The following C17orf67 variants were observed in gnomAD, a reference collection of about 807,000 sequenced individuals.
The protein encoded by C17orf67 is uncharacterized protein C17orf67.
Under a neutral mutation model 11.2 loss-of-function variants are expected in C17orf67, and 12 were observed. The ratio of observed to expected loss-of-function variants is 1.07; its 90% CI spans 0.68 to 1.73. C17orf67 has a LOEUF of 1.73. Among genes scored for constraint, C17orf67 ranks in the 40% most tolerant of loss-of-function variants. C17orf67 has a pLI of 0.00. For synonymous variants in C17orf67, 59 were observed against 46.9 expected (o/e 1.26, Z -1.05); for missense variants, 115 against 113.5 (o/e 1.01, Z -0.06).
intron 6 of C17orf67, among the ~76,000 whole-genome samples, chr17:56,803,057 C>G (rs752071102): frequency 1.3e-5 from 2 of 152,228 alleles, no homozygotes; most frequent in Non-Finnish European, 2.9e-5. Flanking sequence ...ATAAAACATT[C>G]TTAAAATGCC....
chr17:56,803,142 G>A (rs372335423), intron 6 of C17orf67, among the ~76,000 whole-genome samples: 20 of 152,252 alleles, frequency 1.3e-4, no homozygotes, highest in Non-Finnish European at 2.9e-4. Flanking sequence ...TACTTCTGCT[G>A]TATGACAAAG....
chr17:56,809,367 C>T (rs932856709), intron 6 of C17orf67, among the ~76,000 whole-genome samples: 3 of 151,934 alleles, frequency 2.0e-5, no homozygotes, highest in Non-Finnish European at 2.9e-5. Context: ...TCACAACAAC[C>T]TGGCGATGCC....
intron 2 of C17orf67, among the ~76,000 whole-genome samples, chr17:56,831,903 G>A (rs1381474192): frequency 6.6e-6 from 1 of 152,118 alleles, no homozygotes; most frequent in African/African-American, 2.4e-5. Context: ...AAAGGATCGG[G>A]TCCATCCTTC....
At chr17:56,819,631 C>T (rs1905849796) in intron 4 of C17orf67, among the ~76,000 whole-genome samples, 2 of 152,026 alleles carry the variant, frequency 1.3e-5, no homozygotes, top group African/African-American at 2.4e-5. Context: ...CCATCAAATG[C>T]CCTTCAGCTT....
At chr17:56,831,635 A>C (rs1348534578) in intron 2 of C17orf67, among the ~76,000 whole-genome samples, 1 of 152,162 alleles carries the variant, frequency 6.6e-6, no homozygotes, top group Admixed American at 6.5e-5. Flanking sequence ...AACCCTCCTC[A>C]GGTCTCCCAG....
chr17:56,807,922 T>G (rs925404483), intron 6 of C17orf67, among the ~76,000 whole-genome samples: 2 of 150,514 alleles, frequency 1.3e-5, no homozygotes, highest in Non-Finnish European at 3.0e-5. Context: ...AATAAATAAA[T>G]AAATAAATAA....
chr17:56,813,022 T>A, intron 6 of C17orf67, among the ~76,000 whole-genome samples: 1 of 152,156 alleles, frequency 6.6e-6, no homozygotes, highest in Non-Finnish European at 1.5e-5. Context: ...GTGCAGATGC[T>A]GGCACAGAAA....
intron 4 of C17orf67, among the ~76,000 whole-genome samples, chr17:56,819,998 C>T (rs1320373125): frequency 1.5e-5 from 2 of 130,428 alleles, no homozygotes; most frequent in African/African-American, 5.8e-5. Flanking sequence ...AAACTATTTC[C>T]GTACTTTTAT....
intron 4 of C17orf67, among the ~76,000 whole-genome samples, chr17:56,822,486 A>T (rs1381246882): frequency 6.6e-6 from 1 of 151,314 alleles, no homozygotes; most frequent in Non-Finnish European, 1.5e-5. Flanking sequence ...TCTCACTTAT[A>T]AAAAAAAAGA....
intron 2 of C17orf67, among the ~76,000 whole-genome samples, chr17:56,826,998 T>C (rs1906055642): frequency 6.6e-6 from 1 of 152,270 alleles, no homozygotes; most frequent in South Asian, 2.1e-4. Flanking sequence ...AGCTGTGCAA[T>C]GCTTGGCACA....
chr17:56,817,563 C>T lies in C17orf67; in HGVS notation c.-200-1553G>A, dbSNP rs888251963. ...CCTCAACCTCCTGAGCTCATGATCT[C>T]CCATCTCAGCCTCCTGAGTATCTGG... On this transcript the variant is annotated intron_variant, in intron 4 of 7. Coordinates refer to ENST00000397861, the MANE Select transcript of C17orf67 (RefSeq NM_001085430.4). Among the ~76,000 whole-genome samples the T allele has an allele frequency of 2.2e-4, 33 of 152,238 alleles. 2 individuals are homozygous for T. The highest frequency in any genetic ancestry group is 1.8e-3 in the Admixed American group (28 of 15,298).
At chr17:56,827,118 C>CA (rs1325360978) in intron 2 of C17orf67, among the ~76,000 whole-genome samples, 1 of 152,230 alleles carries the variant, frequency 6.6e-6, no homozygotes, top group East Asian at 1.9e-4. Context: ...ATAACATTCT[C>CA]AAAACTGCCA....
chr17:56,817,211 G>A (rs1314006865), intron 4 of C17orf67, among the ~76,000 whole-genome samples: 1 of 152,056 alleles, frequency 6.6e-6, no homozygotes, highest in Non-Finnish European at 1.5e-5. Context: ...CATTTATTTG[G>A]ATAAAATTCT....
chr17:56,793,100 C>T (rs1226755012), intron 7 of C17orf67, among the ~76,000 whole-genome samples: 1 of 151,772 alleles, frequency 6.6e-6, no homozygotes, highest in African/African-American at 2.4e-5. Context: ...GAACAAACAC[C>T]ATCCAGCTAT....
At chr17:56,807,903 T>TAAAAAATA (rs922304093) in intron 6 of C17orf67, among the ~76,000 whole-genome samples, 2 of 144,424 alleles carry the variant, frequency 1.4e-5, no homozygotes, top group Non-Finnish European at 3.0e-5. Context: ...AATAAATAAA[T>TAAAAAATA]AATAAATAAA....
intron 2 of C17orf67, among the ~76,000 whole-genome samples, chr17:56,829,431 G>A (rs751013670): frequency 1.3e-5 from 2 of 152,192 alleles, no homozygotes; most frequent in African/African-American, 2.4e-5. Flanking sequence ...CCTGGAAGAG[G>A]CCATGGGAGT....
chr17:56,807,767 T>C (rs1905488043), intron 6 of C17orf67, among the ~76,000 whole-genome samples: 1 of 151,934 alleles, frequency 6.6e-6, no homozygotes, highest in African/African-American at 2.4e-5. Context: ...TCTAACATGA[T>C]GGGGCCACTT....
intron 4 of C17orf67, among the ~76,000 whole-genome samples, chr17:56,818,047 T>C (rs1168944320): frequency 6.6e-6 from 1 of 152,020 alleles, no homozygotes; most frequent in Non-Finnish European, 1.5e-5. Context: ...TTTTGCCATA[T>C]TGCCCAGGCT....
chr17:56,801,445 T>C (rs951144413), intron 6 of C17orf67, among the ~76,000 whole-genome samples: 1 of 152,212 alleles, frequency 6.6e-6, no homozygotes. Context: ...AACTCTGCAT[T>C]CTACATCAAA....
Sources: gnomAD v4.1 joint callset for allele counts (sites outside exome capture counted in the v4.1 genomes callset) on GRCh38, gnomAD v4.1.1 for gene constraint, MANE v1.5 for transcripts, NCBI Gene and HGNC (gene_info 2026-07-23, HGNC 2026-07-21) for gene names.